The following FAH variants were observed in gnomAD, a reference collection of about 807,000 sequenced individuals.
FAH encodes fumarylacetoacetase.
In FAH, 47 loss-of-function variants were observed where a neutral mutation model predicts 55.8. That is an observed-to-expected ratio of 0.84 (90% CI 0.67 to 1.07). The LOEUF (loss-of-function observed/expected upper bound fraction) is 1.07, where lower values mean the gene tolerates loss of function less well. Among genes scored for constraint, FAH ranks in the 50% least tolerant of loss-of-function variants. The pLI, the probability that FAH is intolerant of heterozygous loss-of-function variation, is 0.00. For missense variants in FAH, 495 were observed against 545.9 expected (o/e 0.91, Z 0.93); for synonymous variants, 199 against 207.7 (o/e 0.96, Z 0.36).
intron 5 of FAH, among the ~76,000 whole-genome samples, chr15:80,163,873 C>T (rs780582526): frequency 6.0e-4 from 92 of 152,214 alleles, no homozygotes; most frequent in African/African-American, 1.3e-3. Flanking sequence ...GAATGCTTAT[C>T]GGTGGAGGAA....
chr15:80,158,589 G>A (rs2041120250), intron 2 of FAH, among the ~76,000 whole-genome samples: 2 of 152,220 alleles, frequency 1.3e-5, no homozygotes, highest in East Asian at 3.9e-4. Flanking sequence ...GAGTCAGCCT[G>A]AAGTACATGT....
In FAH at chr15:80,162,293, G is replaced by A. The variant is rs143243347; in HGVS notation, c.412G>A (p.Gly138Arg). 31 of 1,614,196 alleles carry A rather than the reference G, an allele frequency of 1.9e-5. 1 individual carries two copies. In the African/African-American group the frequency reaches 2.7e-4, roughly 14 times the overall value. The change falls in exon 5 of 14, where the codon GGA (glycine) becomes AGA (arginine). Residue 138 changes from glycine (G) to arginine (R), a missense_variant. Physicochemically the swap from Gly to Arg is moderately radical, Grantham distance 125. Coordinates refer to ENST00000561421, the MANE Select transcript of FAH (RefSeq NM_000137.4). ...YSSRQHATNV[G>R]IMFRDKENAL... ...CTCTCGGCAGCATGCTACCAACGTCGGAATCATGTTCAGGGACAAGGAGAA... is the reference window on the plus strand; with the variant it reads ...CTCTCGGCAGCATGCTACCAACGTCAGAATCATGTTCAGGGACAAGGAGAA...
intron 10 of FAH, 145 bp from the exon 11 acceptor site, chr15:80,177,392 T>C: frequency 1.3e-6 from 1 of 762,868 alleles, no homozygotes; most frequent in Non-Finnish European, 2.3e-6. Flanking sequence ...CCAGCTCTGA[T>C]GTCCTAGGAG....
At position 80,172,184 on chromosome 15, in the gene FAH, G is replaced by T. The variant is rs1347205703; in HGVS notation, c.642G>T (p.Glu214Asp). The change falls in exon 8 of 14, where the codon GAG (glutamate) becomes GAT (aspartate). Residue 214 changes from glutamate (E) to aspartate (D), a missense_variant. Glu to Asp is a conservative substitution (Grantham distance 45). Transcript: ENST00000561421. ...FFVGPGNRLG[E>D]PIPISKAHEH... ...TAGGCCCTGGAAACAGATTGGGAGA[G>T]CCGATCCCCATTTCCAAGGCCCATG... 6.2e-7 allele frequency: 1 copy of T among 1,614,146 alleles called. No homozygotes were observed. The highest frequency in any genetic ancestry group is 2.2e-5 in the East Asian group (1 of 44,884).
chr15:80,162,222 A>G lies in FAH; in HGVS notation c.365-24A>G, dbSNP rs780272020. ...CTGAGGCATGTGGGTTGCTGATGGG[A>G]TCTGTTGGGTCTTTCCTCTGCAGGA... On this transcript the variant is annotated intron_variant, in intron 4 of 13. Coordinates refer to ENST00000561421, the MANE Select transcript of FAH (RefSeq NM_000137.4). The G allele has an allele frequency of 8.8e-6, 14 of 1,591,280 alleles. No individual in the cohort carries two copies. The South Asian group carries it at 1.3e-4, about 15-fold the overall frequency.
chr15:80,160,106 C>T (rs973098118), intron 3 of FAH: 2 of 643,670 alleles, frequency 3.1e-6, no homozygotes, highest in South Asian at 3.8e-5. Context: ...CAGGCCAGGC[C>T]CATTGGCCCT....
intron 8 of FAH, 119 bp from the exon 9 acceptor site, chr15:80,172,895 T>G: frequency 1.2e-5 from 16 of 1,337,978 alleles, no homozygotes; most frequent in South Asian, 2.4e-5. Context: ...TGACTGGGGC[T>G]GATCTTTGTG....
chr15:80,162,903 T>C (rs894300684), intron 5 of FAH: 5 of 192,216 alleles, frequency 2.6e-5, no homozygotes, highest in African/African-American at 1.2e-4. Flanking sequence ...GATCAGGCCA[T>C]TGACCAAGCT....
chr15:80,175,530 G>A (rs770346520), intron 10 of FAH, among the ~76,000 whole-genome samples: 8 of 152,086 alleles, frequency 5.3e-5, no homozygotes, highest in Non-Finnish European at 8.8e-5. Context: ...CAGAGCCAGC[G>A]CATCAAGACC....
chr15:80,171,648 G>A (rs982911522), intron 7 of FAH, among the ~76,000 whole-genome samples: 3 of 152,018 alleles, frequency 2.0e-5, no homozygotes, highest in Non-Finnish European at 4.4e-5. Context: ...TTTTTGTAGA[G>A]GTGGGGTCTC....
Position 80,169,670 on chromosome 15 carries a change from A to G in FAH, c.606+1354A>G, listed in dbSNP as rs149337066. Among the ~76,000 whole-genome samples the G allele has an allele frequency of 1.4e-3, 207 of 152,030 alleles. 1 individual carries two copies. Among genetic ancestry groups the G allele is most frequent in the African/African-American group, 4.7e-3 (197 of 41,508 alleles). On this transcript the variant is annotated intron_variant, in intron 7 of 13. Transcript: ENST00000561421. ...TGCCTCAGCCTCCCGAATAGCTGGG[A>G]CCACAGGCACCTTCCACCATGCCTG... is the stretch of plus-strand genomic sequence containing the variant.
intron 8 of FAH, among the ~76,000 whole-genome samples, chr15:80,172,653 C>T (rs1325136215): frequency 6.6e-6 from 1 of 152,208 alleles, no homozygotes. Context: ...GCAAAACAGT[C>T]CAGCTTCTGA....
chr15:80,176,861 C>T (rs956798764), intron 10 of FAH, among the ~76,000 whole-genome samples: 4 of 152,278 alleles, frequency 2.6e-5, no homozygotes, highest in Non-Finnish European at 2.9e-5. Context: ...GGGATCTGGG[C>T]GAAAGGGTCT....
chr15:80,174,083 A>G (rs1282369216), intron 9 of FAH, among the ~76,000 whole-genome samples: 2 of 151,664 alleles, frequency 1.3e-5, no homozygotes, highest in African/African-American at 4.9e-5. Flanking sequence ...TGGGGCTTTC[A>G]CCCTCATCCC....
rs575797281 is a variant in FAH, at chr15:80,172,628, G to C, written c.706+380G>C. ...CACAGGGAGATTTCAGTTAGTTGCT[G>C]AACTAAGATTTGAAGCAAAACAGTC... is the stretch of plus-strand genomic sequence containing the variant. On this transcript the variant is annotated intron_variant, in intron 8 of 13. Transcript: ENST00000561421. Among the ~76,000 whole-genome samples the C allele has an allele frequency of 1.8e-4, 27 of 152,306 alleles. 1 individual carries two copies. The South Asian group carries it at 5.6e-3, about 32-fold the overall frequency.
At chr15:80,185,994 A>T (rs2041367320) in intron 13 of FAH, 136 bp from the exon 14 acceptor site, 1 of 758,026 alleles carries the variant, frequency 1.3e-6, no homozygotes, top group African/African-American at 1.7e-5. Context: ...CTTGTGTTTA[A>T]GATATGTGTG....
chr15:80,160,742 C>G (rs1003488712), intron 4 of FAH, among the ~76,000 whole-genome samples: 5 of 152,294 alleles, frequency 3.3e-5, no homozygotes, highest in Admixed American at 3.3e-4. Context: ...TTCCTTCCCC[C>G]AAAGGCTATG....
intron 7 of FAH, among the ~76,000 whole-genome samples, chr15:80,171,380 A>T: frequency 6.6e-6 from 1 of 152,164 alleles, no homozygotes; most frequent in Non-Finnish European, 1.5e-5. Flanking sequence ...CATTCTCAGC[A>T]AACTATTGCA....
Position 80,175,048 on chromosome 15 carries a change from C to G in FAH, c.870C>G (p.Asp290Glu), listed in dbSNP as rs377480457. The change falls in exon 10 of 14, where the codon GAC becomes GAG. Residue 290 changes from aspartate to glutamate, a missense_variant. Asp to Glu is a conservative substitution (Grantham distance 45). Coordinates refer to ENST00000561421, the MANE Select transcript of FAH (RefSeq NM_000137.4). Reference sequence around the variant, plus strand: ...GGCCCCTGCCGTATCTGTGCCATGACGAGCCCTACACATTTGACATCAACC... The same window carrying G: ...GGCCCCTGCCGTATCTGTGCCATGAGGAGCCCTACACATTTGACATCAACC... ...DPRPLPYLCH[D>E]EPYTFDINLS... 2 of 1,614,056 alleles carry G rather than the reference C, an allele frequency of 1.2e-6. No individual in the cohort carries two copies. The highest frequency in any genetic ancestry group is 1.7e-6 in the Non-Finnish European group (2 of 1,180,004).
Sources: allele counts gnomAD v4.1 joint callset (sites outside exome capture counted in the v4.1 genomes callset), GRCh38; gene constraint gnomAD v4.1.1; transcripts MANE v1.5; gene names NCBI Gene and HGNC (gene_info 2026-07-23, HGNC 2026-07-21).